The following DAB2IP variants were observed in gnomAD, a reference collection of about 807,000 sequenced individuals.
DAB2IP encodes the protein disabled homolog 2-interacting protein.
Under a neutral mutation model 107.2 loss-of-function variants are expected in DAB2IP, and 28 were observed. That is an observed-to-expected ratio of 0.26 (90% CI 0.19 to 0.36). The LOEUF is 0.36. Among genes scored for constraint, DAB2IP ranks in the 10% least tolerant of loss-of-function variants. The probability of loss-of-function intolerance (pLI) is 1.00; values close to 1 mark genes in which losing one functional copy is unlikely to be tolerated. For synonymous variants in DAB2IP, 755 were observed against 706.4 expected (o/e 1.07, Z -1.09); for missense variants, 1,400 against 1,644.7 (o/e 0.85, Z 2.57).
exon 5 of DAB2IP, chr9:121,758,911 C>T (rs1485061296): frequency 5.6e-6 from 9 of 1,613,312 alleles, no homozygotes; most frequent in Non-Finnish European, 7.6e-6. Context: ...ACGACGTCAT[C>T]AGGAAGCAAG....
At chr9:121,716,789 G>A (rs1830625998) in intron 3 of DAB2IP, among the ~76,000 whole-genome samples, 1 of 152,202 alleles carries the variant, frequency 6.6e-6, no homozygotes, top group East Asian at 1.9e-4. Flanking sequence ...CAAGATGGGA[G>A]CCATTGCACC....
In DAB2IP at chr9:121,618,958, G is replaced by T. The variant is rs559962091; in HGVS notation, c.40+51730G>T. Among the ~76,000 whole-genome samples the T allele has an allele frequency of 1.5e-4, 23 of 152,278 alleles. No homozygotes were observed. The South Asian group carries it at 4.6e-3, about 30-fold the overall frequency. ...GAAAACAATTGGATTGAACCTAAAT[G>T]ATGTTGCAAGATTTCCCCAAAGCTT... On this transcript the variant is annotated intron_variant, in intron 1 of 16. Coordinates refer to the DAB2IP transcript ENST00000259371.
At position 121,748,667 on chromosome 9, in the gene DAB2IP, G is replaced by A. The variant is rs115010476; in HGVS notation, c.363-8346G>A. On this transcript the variant is annotated intron_variant, in intron 3 of 15. Transcript: ENST00000408936. Reference sequence around the variant, plus strand: ...ACTTTGGTGAGAACACCTGCAACTGGCACATGGTAGGTGCTTAGTAAGTGG... The same window carrying A: ...ACTTTGGTGAGAACACCTGCAACTGACACATGGTAGGTGCTTAGTAAGTGG... Among the ~76,000 whole-genome samples, 1,476 of 152,332 alleles carry A rather than the reference G, an allele frequency of 9.7e-3. 23 individuals are homozygous for A. Among genetic ancestry groups the A allele is most frequent in the African/African-American group, 0.033 (1,375 of 41,560 alleles).
At chr9:121,755,305 A>T (rs1833400593) in intron 3 of DAB2IP, among the ~76,000 whole-genome samples, 2 of 152,160 alleles carry the variant, frequency 1.3e-5, no homozygotes, top group South Asian at 4.1e-4. Flanking sequence ...TCCCAGGGAG[A>T]GTGCCTCAGA....
chr9:121,603,884 G>A (rs1330045132), intron 1 of DAB2IP, among the ~76,000 whole-genome samples: 1 of 152,102 alleles, frequency 6.6e-6, no homozygotes, highest in Non-Finnish European at 1.5e-5. Context: ...GTGAGGGGTT[G>A]AGTTGGGCTG....
intron 9 of DAB2IP, 80 bp downstream of exon 9, chr9:121,766,810 C>A: frequency 1.4e-6 from 2 of 1,407,106 alleles, no homozygotes; most frequent in Non-Finnish European, 2.0e-6. Context: ...TTTCTGCCCC[C>A]AAGCTGAGCA....
intron 2 of DAB2IP, among the ~76,000 whole-genome samples, chr9:121,679,817 A>T (rs1428136475): frequency 2.0e-5 from 3 of 152,020 alleles, no homozygotes; most frequent in African/African-American, 7.3e-5. Flanking sequence ...TTTGAGCTGC[A>T]TCTTGAAGGG....
intron 14 of DAB2IP, among the ~76,000 whole-genome samples, chr9:121,778,677 T>G (rs1835379863): frequency 1.3e-5 from 2 of 152,236 alleles, no homozygotes; most frequent in Admixed American, 1.3e-4. Context: ...TATTTTAGGC[T>G]TTGTAGGCCA....
intron 1 of DAB2IP, among the ~76,000 whole-genome samples, chr9:121,572,837 T>G (rs1042838946): frequency 3.3e-5 from 5 of 152,094 alleles, no homozygotes; most frequent in African/African-American, 4.8e-5. Context: ...AAGCGGGTGG[T>G]TGCTTTCGAT....
At chr9:121,640,774 C>T (rs111626917) in intron 1 of DAB2IP, among the ~76,000 whole-genome samples, 96 of 152,304 alleles carry the variant, frequency 6.3e-4, no homozygotes, top group African/African-American at 2.3e-3. Flanking sequence ...TGGGGCCAGT[C>T]CTGAGCCTCT....
Position 121,698,086 on chromosome 9 carries a change from AAC to A in DAB2IP, c.229-1235_229-1234del, listed in dbSNP as rs1472823606. On this transcript the variant is annotated intron_variant, in intron 2 of 15. Transcript: ENST00000408936. This position sits in a 1 kb window ranked among gnomAD's most constrained non-coding sequence, Gnocchi z 4.1. ...TGCCAAACATCCACTGCTCCTCTTG[AAC>A]ACAGAGAGGGCTGCCAAACTGACCC... Among the ~76,000 whole-genome samples the A allele has an allele frequency of 1.3e-5, 2 of 152,188 alleles. No individual in the cohort carries two copies. Among genetic ancestry groups the A allele is most frequent in the African/African-American group, 4.8e-5 (2 of 41,446 alleles).
At chr9:121,773,716 C>T (rs1834954244) in intron 12 of DAB2IP, among the ~76,000 whole-genome samples, 1 of 152,198 alleles carries the variant, frequency 6.6e-6, no homozygotes, top group East Asian at 1.9e-4. Flanking sequence ...CCAGGCTCCT[C>T]TGTCAGTGCC....
chr9:121,567,828 C>T (rs549748996), intron 1 of DAB2IP, among the ~76,000 whole-genome samples: 7 of 152,256 alleles, frequency 4.6e-5, no homozygotes, highest in South Asian at 2.1e-4. Context: ...AGGGTTCCTT[C>T]GTGGTGGTTT....
At chr9:121,581,896 A>G (rs1830200710) in intron 1 of DAB2IP, among the ~76,000 whole-genome samples, 1 of 152,024 alleles carries the variant, frequency 6.6e-6, no homozygotes, top group South Asian at 2.1e-4. Flanking sequence ...CTCAATGCCA[A>G]CTCCCCATCC....
At chr9:121,626,063 C>T (rs966414216) in intron 1 of DAB2IP, among the ~76,000 whole-genome samples, 1 of 152,138 alleles carries the variant, frequency 6.6e-6, no homozygotes, top group Non-Finnish European at 1.5e-5. Flanking sequence ...CTGGGAGCCC[C>T]CTCTGAGGAG....
At chr9:121,715,331 C>G (rs1009717912) in intron 3 of DAB2IP, among the ~76,000 whole-genome samples, 1 of 150,566 alleles carries the variant, frequency 6.6e-6, no homozygotes, top group African/African-American at 2.5e-5. Context: ...GGGTAGTTTT[C>G]TTTTTCTTTT....
chr9:121,619,023 C>T (rs1380156220), intron 1 of DAB2IP, among the ~76,000 whole-genome samples: 2 of 152,190 alleles, frequency 1.3e-5, no homozygotes, highest in Non-Finnish European at 2.9e-5. Context: ...TTCTGACCGG[C>T]TGTGATTCCA....
At chr9:121,606,311 C>T (rs1830868701) in intron 1 of DAB2IP, among the ~76,000 whole-genome samples, 1 of 152,196 alleles carries the variant, frequency 6.6e-6, no homozygotes, top group Non-Finnish European at 1.5e-5. Flanking sequence ...TTGCAGTGAC[C>T]TGAGATGGCA....
chr9:121,678,579 GT>G, intron 1 of DAB2IP, 98 bp from the exon 2 acceptor site: 1 of 1,026,806 alleles, frequency 9.7e-7, no homozygotes, highest in Non-Finnish European at 1.3e-6. Flanking sequence ...CTAGGGACCG[GT>G]TTGTCTGTTG....
Sources: gnomAD v4.1 joint callset for allele counts (sites outside exome capture counted in the v4.1 genomes callset) on GRCh38, gnomAD v4.1.1 for gene constraint, Gnocchi (gnomAD v3.1) non-coding constraint, MANE v1.5 for transcripts, NCBI Gene and HGNC (gene_info 2026-07-23, HGNC 2026-07-21) for gene names.